Variants in DYRK1A observed in about 807,000 individuals in gnomAD.
The protein encoded by DYRK1A is dual specificity tyrosine phosphorylation regulated kinase 1A, also known as dual specificity tyrosine-phosphorylation-regulated kinase 1A.
In DYRK1A, 9 loss-of-function variants were observed where a neutral mutation model predicts 79.7. The observed-to-expected ratio is 0.11, with a 90% CI of 0.07 to 0.20. The LOEUF (loss-of-function observed/expected upper bound fraction) is 0.20. Among genes scored for constraint, DYRK1A ranks in the 10% least tolerant of loss-of-function variants. The pLI is 1.00. For missense variants in DYRK1A, 622 were observed against 956.0 expected (o/e 0.65, Z 4.61); for synonymous variants, 349 against 329.7 (o/e 1.06, Z -0.63).
chr21:37,496,981 T>C (rs796376155), intron 9 of DYRK1A, among the ~76,000 whole-genome samples: 4 of 152,336 alleles, frequency 2.6e-5, no homozygotes, highest in African/African-American at 9.6e-5. Context: ...TCATGTTTTG[T>C]AATTTACTTT....
At chr21:37,396,387 G>C (rs1270721014) in intron 1 of DYRK1A, among the ~76,000 whole-genome samples, 1 of 152,152 alleles carries the variant, frequency 6.6e-6, no homozygotes, top group African/African-American at 2.4e-5. Flanking sequence ...AGGCTCAGGA[G>C]AGTTAAAGGC....
At chr21:37,398,281 G>T (rs2049994753) in intron 1 of DYRK1A, among the ~76,000 whole-genome samples, 1 of 151,328 alleles carries the variant, frequency 6.6e-6, no homozygotes, top group African/African-American at 2.4e-5. Context: ...GTCCAGGGCT[G>T]CAGTATGGTA....
Position 37,405,202 on chromosome 21 carries a change from C to T in DYRK1A, c.-76-15097C>T, listed in dbSNP as rs532842750. Among the ~76,000 whole-genome samples the T allele has an allele frequency of 2.0e-5, 3 of 152,170 alleles. No individual in the cohort carries two copies. In the South Asian group the frequency reaches 6.2e-4, roughly 32 times the overall value. ...ACTCTAGAGCAGTTGAACCCCGCTTCCCACCTAGGGTTGGAATCATGGCCC... is the reference window on the plus strand; with the variant it reads ...ACTCTAGAGCAGTTGAACCCCGCTTTCCACCTAGGGTTGGAATCATGGCCC... On this transcript the variant is annotated intron_variant, in intron 1 of 11. Coordinates refer to ENST00000647188, the MANE Select transcript of DYRK1A (RefSeq NM_001347721.2).
At chr21:37,494,051 C>G (rs2053182374) in intron 8 of DYRK1A, among the ~76,000 whole-genome samples, 1 of 149,892 alleles carries the variant, frequency 6.7e-6, no homozygotes, top group South Asian at 2.1e-4. Context: ...GCCACTATGC[C>G]TGGCTAATAT....
At position 37,412,472 on chromosome 21, in the gene DYRK1A, G is replaced by C. The variant is rs560081975; in HGVS notation, c.-76-7827G>C. ...ACAAAACACATATTCTTAGGTCCTT[G>C]TCCAGGCTTCCTGAATCAGGATTTT... On this transcript the variant is annotated intron_variant, in intron 1 of 11. Transcript: ENST00000647188. 1.1e-4 allele frequency among the ~76,000 whole-genome samples: 17 copies of C among 152,272 alleles called. 1 individual carries two copies. The South Asian group carries it at 1.9e-3, about 17-fold the overall frequency.
intron 5 of DYRK1A, among the ~76,000 whole-genome samples, chr21:37,482,612 A>G (rs555712712): frequency 6.6e-6 from 1 of 152,332 alleles, no homozygotes; most frequent in East Asian, 1.9e-4. Flanking sequence ...ACTGTCATTG[A>G]TAACATCTTA....
chr21:37,505,120 C>T, intron 9 of DYRK1A, 163 bp from the exon 10 acceptor site: 1 of 613,294 alleles, frequency 1.6e-6, no homozygotes. Context: ...AACTACCATG[C>T]ATTTGGGATA....
At chr21:37,435,490 T>C (rs1400087695) in intron 2 of DYRK1A, among the ~76,000 whole-genome samples, 3 of 152,224 alleles carry the variant, frequency 2.0e-5, no homozygotes, top group African/African-American at 7.2e-5. Context: ...CTTTAATTGC[T>C]CTGTTAAATA....
At chr21:37,496,664 C>T (rs942647108) in intron 9 of DYRK1A, among the ~76,000 whole-genome samples, 47 of 151,224 alleles carry the variant, frequency 3.1e-4, no homozygotes, top group African/African-American at 1.1e-3. Context: ...TTTTTAAGTT[C>T]AGTTGGTAAA....
At chr21:37,384,344 A>G (rs772072882) in intron 1 of DYRK1A, among the ~76,000 whole-genome samples, 99 of 152,132 alleles carry the variant, frequency 6.5e-4, no homozygotes, top group Admixed American at 3.6e-3. Context: ...AGCAGAAAAA[A>G]TCTCAGAGTT....
At chr21:37,489,072 A>T (rs1000931001) in intron 6 of DYRK1A, among the ~76,000 whole-genome samples, 1 of 152,140 alleles carries the variant, frequency 6.6e-6, no homozygotes, top group Admixed American at 6.5e-5. Flanking sequence ...TCTAAAAGCA[A>T]TATTGATGTT....
At chr21:37,511,209 A>T in intron 11 of DYRK1A, among the ~76,000 whole-genome samples, 1 of 152,296 alleles carries the variant, frequency 6.6e-6, no homozygotes, top group Non-Finnish European at 1.5e-5. Context: ...TGGCCAGATG[A>T]TGCAGATCGT....
At chr21:37,469,109 G>A (rs1362388810) in intron 2 of DYRK1A, among the ~76,000 whole-genome samples, 1 of 152,182 alleles carries the variant, frequency 6.6e-6, no homozygotes, top group Non-Finnish European at 1.5e-5. Context: ...CCACATTGGA[G>A]TACCACAGCA....
Position 37,521,155 on chromosome 21 carries a change from A to G in DYRK1A, c.*8624A>G, listed in dbSNP as rs990620209. On this transcript the variant is annotated 3_prime_UTR_variant, in exon 12 of 12. Coordinates refer to ENST00000647188, the MANE Select transcript of DYRK1A (RefSeq NM_001347721.2). ...TTCACTAATTGTGGTCTTTCTCCCCAGCTCGGTTTTGTTTGCGTATTAGAG... is the reference window on the plus strand; with the variant it reads ...TTCACTAATTGTGGTCTTTCTCCCCGGCTCGGTTTTGTTTGCGTATTAGAG... 1.3e-5 allele frequency: 2 copies of G among 152,220 alleles called. No homozygotes were observed. Among genetic ancestry groups the G allele is most frequent in the African/African-American group, 4.8e-5 (2 of 41,460 alleles). 9.4% of individuals were successfully genotyped at this position (152,220 alleles called of 1,614,324 possible). A position where few individuals can be genotyped will look rare whatever the true frequency, so the allele number is the denominator to read the frequency against.
intron 2 of DYRK1A, among the ~76,000 whole-genome samples, chr21:37,466,736 C>T (rs1035695100): frequency 3.9e-5 from 6 of 151,990 alleles, no homozygotes; most frequent in African/African-American, 1.5e-4. Flanking sequence ...TCCAGTATAA[C>T]ACTTTAAGTA....
At chr21:37,450,046 T>C (rs1302913484) in intron 2 of DYRK1A, among the ~76,000 whole-genome samples, 1 of 152,178 alleles carries the variant, frequency 6.6e-6, no homozygotes, top group Non-Finnish European at 1.5e-5. Flanking sequence ...CACCTGGCAC[T>C]TGTGCAATGC....
chr21:37,435,283 T>G (rs1398548649), intron 2 of DYRK1A, among the ~76,000 whole-genome samples: 1 of 152,218 alleles, frequency 6.6e-6, no homozygotes, highest in Non-Finnish European at 1.5e-5. Context: ...GACTAACAGT[T>G]CCAATCATAT....
chr21:37,450,718 C>A (rs2148500667), intron 2 of DYRK1A, among the ~76,000 whole-genome samples: 1 of 152,272 alleles, frequency 6.6e-6, no homozygotes, highest in Non-Finnish European at 1.5e-5. Context: ...GATTCAGGGA[C>A]CACACTCCGC....
chr21:37,508,517 C>T (rs1011239771), intron 11 of DYRK1A, among the ~76,000 whole-genome samples: 3 of 152,218 alleles, frequency 2.0e-5, no homozygotes, highest in Non-Finnish European at 4.4e-5. Flanking sequence ...GAACTCCCGA[C>T]CTCAGGTTAT....
Sources: allele counts gnomAD v4.1 joint callset (sites outside exome capture counted in the v4.1 genomes callset), GRCh38; gene constraint gnomAD v4.1.1; transcripts MANE v1.5; gene names NCBI Gene and HGNC (gene_info 2026-07-23, HGNC 2026-07-21).